The following SLC9A9 variants were observed in gnomAD, a reference collection of about 807,000 sequenced individuals.
The protein encoded by SLC9A9 is sodium/hydrogen exchanger 9.
Under a neutral mutation model 77.8 loss-of-function variants are expected in SLC9A9, and 62 were observed. That is an observed-to-expected ratio of 0.80 (90% CI 0.65 to 0.98). The LOEUF (loss-of-function observed/expected upper bound fraction) is 0.98, where lower values mean the gene tolerates loss of function less well. Among genes scored for constraint, SLC9A9 ranks in the 50% least tolerant of loss-of-function variants. The probability of loss-of-function intolerance (pLI) is 0.00; values close to 1 mark genes in which losing one functional copy is unlikely to be tolerated. For missense variants in SLC9A9, 775 were observed against 774.9 expected, an observed-to-expected ratio of 1.00 and a Z score of 0.00; for synonymous variants, 320 against 283.5, an observed-to-expected ratio of 1.13 and a Z score of -1.29.
intron 4 of SLC9A9, among the ~76,000 whole-genome samples, chr3:143,746,875 T>G (rs1935208699): frequency 6.6e-6 from 1 of 152,206 alleles, no homozygotes; most frequent in Admixed American, 6.5e-5. Flanking sequence ...TTCTCATCAC[T>G]GATGGTATTC....
intron 4 of SLC9A9, among the ~76,000 whole-genome samples, chr3:143,757,220 G>A (rs1214228849): frequency 2.0e-5 from 3 of 152,030 alleles, no homozygotes; most frequent in Admixed American, 2.0e-4. Flanking sequence ...GTAGATTTGC[G>A]ACACCTAAAT....
rs114752046 is a variant in SLC9A9 at position 143,507,165 on chromosome 3, G to A, written c.1090-11717C>T. On this transcript the variant is annotated intron_variant, in intron 9 of 15. Transcript: ENST00000316549. Reference sequence around the variant, plus strand: ...AGATACCCCATATACCTCCTATCCCGACACATGTACAGCCTCTCTCATTAT... The same window carrying A: ...AGATACCCCATATACCTCCTATCCCAACACATGTACAGCCTCTCTCATTAT... Among the ~76,000 whole-genome samples the A allele has an allele frequency of 2.6e-3, 395 of 151,568 alleles. 2 individuals are homozygous for A. Among genetic ancestry groups the A allele is most frequent in the African/African-American group, 9.2e-3 (382 of 41,354 alleles).
At chr3:143,683,455 CACTGCTGTAGATTAAAGGAG>C (rs1361158506) in intron 5 of SLC9A9, among the ~76,000 whole-genome samples, 1 of 152,048 alleles carries the variant, frequency 6.6e-6, no homozygotes, top group African/African-American at 2.4e-5. Context: ...TAGGAAGGAG[CACTGCTGTAGATTAAAGGAG>C]AACGCAGAGA....
At chr3:143,779,524 A>T (rs2007805316) in intron 4 of SLC9A9, among the ~76,000 whole-genome samples, 1 of 152,108 alleles carries the variant, frequency 6.6e-6, no homozygotes, top group Non-Finnish European at 1.5e-5. Flanking sequence ...AGTATGCACC[A>T]CATGCCTCGC....
At chr3:143,444,644 T>A (rs1193569143) in intron 12 of SLC9A9, among the ~76,000 whole-genome samples, 1 of 152,132 alleles carries the variant, frequency 6.6e-6, no homozygotes, top group African/African-American at 2.4e-5. Context: ...ATAATAACAA[T>A]CCCTAAATTT....
At chr3:143,494,673 A>T in intron 10 of SLC9A9, among the ~76,000 whole-genome samples, 1 of 152,214 alleles carries the variant, frequency 6.6e-6, no homozygotes, top group South Asian at 2.1e-4. Context: ...ATGGCTCAAC[A>T]TCCTTTCAGA....
chr3:143,574,492 T>G (rs535176149), intron 7 of SLC9A9, among the ~76,000 whole-genome samples: 1 of 152,262 alleles, frequency 6.6e-6, no homozygotes, highest in South Asian at 2.1e-4. Flanking sequence ...TCCCTTGGGA[T>G]GCACCCCTCA....
At chr3:143,690,499 T>C (rs1175201594) in intron 5 of SLC9A9, among the ~76,000 whole-genome samples, 1 of 152,038 alleles carries the variant, frequency 6.6e-6, no homozygotes, top group Admixed American at 6.6e-5. Flanking sequence ...GTGCAGGAAA[T>C]ACACAAGATA....
intron 11 of SLC9A9, among the ~76,000 whole-genome samples, chr3:143,478,124 G>A (rs144656244): frequency 1.3e-3 from 198 of 152,312 alleles, no homozygotes; most frequent in African/African-American, 4.4e-3. Context: ...TCCTTGGGCA[G>A]CCAGAATGAG....
chr3:143,390,832 C>T (rs748946083), intron 12 of SLC9A9, among the ~76,000 whole-genome samples: 1 of 152,226 alleles, frequency 6.6e-6, no homozygotes, highest in African/African-American at 2.4e-5. Context: ...GGGTCCCACA[C>T]CCACAGAGCC....
At chr3:143,693,375 G>T in intron 4 of SLC9A9, 68 bp from the exon 5 acceptor site, 1 of 1,246,780 alleles carries the variant, frequency 8.0e-7, no homozygotes, top group Non-Finnish European at 1.2e-6. Flanking sequence ...GCTATCATAA[G>T]CCACATGCTA....
intron 6 of SLC9A9, among the ~76,000 whole-genome samples, chr3:143,621,031 C>A (rs530174983): frequency 6.6e-6 from 1 of 152,310 alleles, no homozygotes; most frequent in African/African-American, 2.4e-5. Context: ...GCACAGCAGT[C>A]TGAGATCAAA....
At chr3:143,818,553 G>T (rs62268898) in intron 2 of SLC9A9, among the ~76,000 whole-genome samples, 126,729 of 151,544 alleles carry the variant, frequency 0.84, 54,618 homozygotes, top group South Asian at 0.94. Context: ...GTGATCCACC[G>T]GCCTCAGCCT....
intron 11 of SLC9A9, among the ~76,000 whole-genome samples, chr3:143,492,865 A>T (rs1216842467): frequency 6.6e-6 from 1 of 152,222 alleles, no homozygotes; most frequent in Non-Finnish European, 1.5e-5. Flanking sequence ...CTCTGAGTAC[A>T]TTGTAAGTGT....
intron 9 of SLC9A9, among the ~76,000 whole-genome samples, chr3:143,512,362 A>G (rs578136857): frequency 6.6e-6 from 1 of 152,334 alleles, no homozygotes; most frequent in African/African-American, 2.4e-5. Flanking sequence ...AACTACTTAA[A>G]ATGAAAAGGG....
intron 14 of SLC9A9, among the ~76,000 whole-genome samples, chr3:143,341,609 T>C (rs188817820): frequency 2.0e-5 from 3 of 152,270 alleles, no homozygotes; most frequent in African/African-American, 4.8e-5. Context: ...TAGCTTCAGA[T>C]ACCAAATTGC....
At chr3:143,746,235 G>A (rs1460288454) in intron 4 of SLC9A9, among the ~76,000 whole-genome samples, 2 of 152,214 alleles carry the variant, frequency 1.3e-5, no homozygotes, top group African/African-American at 2.4e-5. Context: ...AGAGGTTCAG[G>A]CAAAAGATAA....
intron 14 of SLC9A9, among the ~76,000 whole-genome samples, chr3:143,336,072 C>G (rs915472018): frequency 6.6e-6 from 1 of 152,038 alleles, no homozygotes; most frequent in Non-Finnish European, 1.5e-5. Context: ...AACAAAATAA[C>G]CTTATTGGAA....
chr3:143,703,392 CA>C (rs57766633), intron 4 of SLC9A9, among the ~76,000 whole-genome samples: 3,105 of 151,396 alleles, frequency 0.021, 97 homozygotes, highest in African/African-American at 0.072. Context: ...TGGAATAAAA[CA>C]AAAAAATAGT....
Sources: allele counts gnomAD v4.1 joint callset (sites outside exome capture counted in the v4.1 genomes callset), GRCh38; gene constraint gnomAD v4.1.1; transcripts MANE v1.5; gene names NCBI Gene and HGNC (gene_info 2026-07-23, HGNC 2026-07-21).